Variants in TSPAN15 observed in about 807,000 individuals in gnomAD.
The protein encoded by TSPAN15 is tetraspanin-15.
In TSPAN15, 20 loss-of-function variants were observed where a neutral mutation model predicts 34.5. The observed-to-expected ratio is 0.58, with a 90% CI of 0.41 to 0.84. The LOEUF (loss-of-function observed/expected upper bound fraction) is 0.84, where lower values mean the gene tolerates loss of function less well. Among genes scored for constraint, TSPAN15 ranks in the 40% least tolerant of loss-of-function variants. The pLI, the probability that TSPAN15 is intolerant of heterozygous loss-of-function variation, is 0.00. For synonymous variants in TSPAN15, 155 were observed against 153.9 expected (o/e 1.01, Z -0.05); for missense variants, 313 against 386.1 (o/e 0.81, Z 1.59).
At chr10:69,470,185 A>T (rs748316801) in intron 1 of TSPAN15, among the ~76,000 whole-genome samples, 1 of 151,962 alleles carries the variant, frequency 6.6e-6, no homozygotes, top group African/African-American at 2.4e-5. Context: ...CTTCCTCATG[A>T]TTAGGTTCAG....
intron 5 of TSPAN15, among the ~76,000 whole-genome samples, chr10:69,502,987 A>G (rs1842241584): frequency 6.6e-6 from 1 of 152,242 alleles, no homozygotes; most frequent in Non-Finnish European, 1.5e-5. Flanking sequence ...TTGACATGCA[A>G]TAGGTGCTCA....
At chr10:69,530,814 CT>C in the TSPAN15 span, among the ~76,000 whole-genome samples, 2 of 61,368 alleles carry the variant, frequency 3.3e-5, no homozygotes, top group Non-Finnish European at 6.4e-5. Context: ...CTCTCTCTCT[CT>C]CTCTCTATAT....
intron 1 of TSPAN15, among the ~76,000 whole-genome samples, chr10:69,464,922 C>G (rs975924864): frequency 1.3e-5 from 2 of 152,230 alleles, no homozygotes; most frequent in African/African-American, 4.8e-5. Context: ...CTTATGACTT[C>G]TCACAGAGAA....
rs994413400 is a variant in TSPAN15, at chr10:69,507,508, C to A, written c.*530C>A. 1 of 1,304,274 alleles carries A rather than the reference C, an allele frequency of 7.7e-7. No individual in the cohort carries two copies. The highest frequency in any genetic ancestry group is 2.3e-5 in the Admixed American group (1 of 43,522). 80.8% of individuals were successfully genotyped at this position (1,304,274 alleles called of 1,614,324 possible). The stretch of plus-strand genomic sequence containing the variant: ...TTGCAAGGGCGGCTGCTTCCTTGAG[C>A]CTAGTTTTTTTACGTGATTTTTGTA... On this transcript the variant is annotated 3_prime_UTR_variant, in exon 8 of 8. Coordinates refer to ENST00000373290, the MANE Select transcript of TSPAN15 (RefSeq NM_012339.5).
the TSPAN15 span, among the ~76,000 whole-genome samples, chr10:69,518,749 G>T: frequency 8.5e-5 from 13 of 152,150 alleles, no homozygotes; most frequent in East Asian, 1.9e-4. Flanking sequence ...AAAAGTAAAA[G>T]AACTCAGTAA....
intron 1 of TSPAN15, among the ~76,000 whole-genome samples, chr10:69,472,169 A>T (rs1841520034): frequency 6.6e-6 from 1 of 151,968 alleles, no homozygotes; most frequent in South Asian, 2.1e-4. Flanking sequence ...TGCTTCTGTG[A>T]ACCTCCCTGT....
At chr10:69,502,776 C>T (rs1008087163) in intron 5 of TSPAN15, among the ~76,000 whole-genome samples, 1 of 152,140 alleles carries the variant, frequency 6.6e-6, no homozygotes, top group African/African-American at 2.4e-5. Flanking sequence ...CCAGAGAGGC[C>T]TCTGCCAGTT....
At chr10:69,451,735 A>G (rs1229741797) in intron 1 of TSPAN15, 45 bp downstream of exon 1, 2 of 1,371,916 alleles carry the variant, frequency 1.5e-6, no homozygotes, top group Admixed American at 3.0e-5. Context: ...GGGGACCCAC[A>G]ATCCGGCCGC....
chr10:69,539,327 A>G, the TSPAN15 span, among the ~76,000 whole-genome samples: 3 of 151,610 alleles, frequency 2.0e-5, no homozygotes, highest in African/African-American at 7.3e-5. Flanking sequence ...GGCTACACCA[A>G]AATCTCAGAA....
the TSPAN15 span, among the ~76,000 whole-genome samples, chr10:69,543,844 A>AGTATGTGTGTGTGTGTGTGTGTGT: frequency 2.7e-5 from 2 of 73,738 alleles, no homozygotes; most frequent in African/African-American, 1.1e-4. Context: ...GAAGAAGGGG[A>AGTATGTGTGTGTGTGTGTGTGTGT]GTGTGTGTGT....
At chr10:69,487,985 C>T (rs979589128) in intron 3 of TSPAN15, among the ~76,000 whole-genome samples, 3 of 152,108 alleles carry the variant, frequency 2.0e-5, no homozygotes, top group Non-Finnish European at 4.4e-5. Context: ...AGCCATGATT[C>T]GTCATCTTGA....
intron 3 of TSPAN15, among the ~76,000 whole-genome samples, chr10:69,491,889 TGGA>T (rs142559239): frequency 0.01 from 1,565 of 152,268 alleles, 26 homozygotes; most frequent in African/African-American, 0.035. Flanking sequence ...TCCTCTGTGT[TGGA>T]GGAGCTGCCG....
At chr10:69,473,012 C>T (rs1023020679) in intron 1 of TSPAN15, among the ~76,000 whole-genome samples, 7 of 152,182 alleles carry the variant, frequency 4.6e-5, no homozygotes, top group Non-Finnish European at 1.0e-4. Flanking sequence ...AAGAGATACC[C>T]GGAATTCCCT....
chr10:69,491,945 C>T (rs148466851), intron 3 of TSPAN15, among the ~76,000 whole-genome samples: 1 of 152,266 alleles, frequency 6.6e-6, no homozygotes, highest in East Asian at 1.9e-4. Context: ...ATTTAAAAAC[C>T]CTGAGAGAGG....
Position 69,495,705 on chromosome 10 carries a change from T to G in TSPAN15, c.453+16T>G. Reference sequence around the variant, plus strand: ...TCAGAAAAAGGTGAGCCAGGCGCTTTGGGGTAGAGATGCGCCTCCCGTGCT... The same window carrying G: ...TCAGAAAAAGGTGAGCCAGGCGCTTGGGGGTAGAGATGCGCCTCCCGTGCT... On this transcript the variant is annotated intron_variant, in intron 4 of 7. Coordinates refer to ENST00000373290, the MANE Select transcript of TSPAN15 (RefSeq NM_012339.5). 6.3e-7 allele frequency: 1 copy of G among 1,591,140 alleles called. No individual in the cohort carries two copies. Among genetic ancestry groups the G allele is most frequent in the Middle Eastern group, 1.7e-4 (1 of 6,016 alleles).
chr10:69,501,202 G>A (rs56321010), intron 5 of TSPAN15, among the ~76,000 whole-genome samples: 17,952 of 152,208 alleles, frequency 0.12, 1,122 homozygotes, highest in South Asian at 0.13. Flanking sequence ...CCCATCAGGG[G>A]TGTCAAAGAT....
chr10:69,512,165 A>G (rs906656504), downstream of TSPAN15, among the ~76,000 whole-genome samples: 7 of 152,170 alleles, frequency 4.6e-5, no homozygotes, highest in African/African-American at 2.4e-5. Context: ...CCTGGCCATG[A>G]CACCCTTTTG....
chr10:69,498,517 G>T, intron 5 of TSPAN15, 121 bp downstream of exon 5: 1 of 779,408 alleles, frequency 1.3e-6, no homozygotes, highest in Non-Finnish European at 2.1e-6. Context: ...GGAAGTAGGA[G>T]TTGGTGGCAG....
downstream of TSPAN15, chr10:69,507,667 T>G (rs1216450019): frequency 3.1e-6 from 4 of 1,270,520 alleles, no homozygotes; most frequent in African/African-American, 6.3e-5. Flanking sequence ...TTTTTTTTTT[T>G]TTTTTTGCCT....
Sources: allele counts gnomAD v4.1 joint callset (sites outside exome capture counted in the v4.1 genomes callset), GRCh38; gene constraint gnomAD v4.1.1; transcripts MANE v1.5; gene names NCBI Gene and HGNC (gene_info 2026-07-23, HGNC 2026-07-21).